Variants in PRRC2C observed in about 807,000 individuals in gnomAD.
The protein encoded by PRRC2C is proline rich coiled-coil 2C.
PRRC2C carries 72 observed loss-of-function variants against 317.2 expected under a neutral mutation model. The observed-to-expected ratio is 0.23, with a 90% CI of 0.19 to 0.28. The LOEUF is 0.28. PRRC2C is among the 10% of genes least tolerant of loss of function. The probability of loss-of-function intolerance (pLI) is 1.00; values close to 1 mark genes in which losing one functional copy is unlikely to be tolerated. For synonymous variants in PRRC2C, 1,296 were observed against 1,205.9 expected (o/e 1.07, Z -1.55); for missense variants, 3,074 against 3,459.7 (o/e 0.89, Z 2.80).
At chr1:171,585,838 C>G (rs578039881) in intron 30 of PRRC2C, among the ~76,000 whole-genome samples, 2 of 152,056 alleles carry the variant, frequency 1.3e-5, no homozygotes, top group Admixed American at 1.3e-4. Flanking sequence ...TGCTTGGGAC[C>G]AGAAATGTCT....
In PRRC2C at chr1:171,588,395, C is replaced by T. The variant is rs879587293; in HGVS notation, c.8089C>T (p.Pro2697Ser). 8.7e-6 allele frequency: 14 copies of T among 1,613,578 alleles called. No homozygotes were observed. Among genetic ancestry groups the T allele is most frequent in the African/African-American group, 4.0e-5 (3 of 74,904 alleles). The stretch of plus-strand genomic sequence containing the variant: ...CTTTCCAAGGGCTACTTCTACAAGT[C>T]CGAACAGCCAGTCCAGCAAAATGAA... ...SSPFRATSTSPNSQSSKMNSI... is the reference protein window; with the variant it reads ...SSPFRATSTSSNSQSSKMNSI... Residue 2697 changes from proline to serine, a missense_variant, in exon 33 of 35, where the codon CCG (proline) becomes TCG (serine). This residue lies in a region of PRRC2C where 490 missense variants were observed against 663.1 expected (regional missense o/e 0.74). Coordinates refer to ENST00000647382, the MANE Select transcript of PRRC2C (RefSeq NM_001387844.1).
intron 11 of PRRC2C, among the ~76,000 whole-genome samples, chr1:171,532,064 C>G (rs535445566): frequency 1.7e-4 from 26 of 152,260 alleles, no homozygotes; most frequent in African/African-American, 6.3e-4. Flanking sequence ...TGTTGTGCTT[C>G]TAGTTTTATT....
Position 171,557,532 on chromosome 1 carries a change from C to T in PRRC2C, c.5420C>T (p.Pro1807Leu). ...ASTSAPVPAS[P>L]LAPVSASASV... Reference sequence around the variant, plus strand: ...ACCTCAGCTCCAGTTCCAGCCTCACCCTTAGCTCCAGTTTCAGCCTCAGCC... The same window carrying T: ...ACCTCAGCTCCAGTTCCAGCCTCACTCTTAGCTCCAGTTTCAGCCTCAGCC... Residue 1807 changes from proline (P) to leucine (L), a missense_variant, in exon 19 of 35, where the codon CCC (proline) becomes CTC (leucine). By Grantham distance (98) the Pro-to-Leu change is moderately conservative. Around this residue, in one of 11 missense-constraint regions of PRRC2C, gnomAD observed 640 missense variants for 676.1 expected, o/e 0.95. Coordinates refer to ENST00000647382, the MANE Select transcript of PRRC2C (RefSeq NM_001387844.1). The T allele has an allele frequency of 6.4e-7, 1 of 1,551,596 alleles. No homozygotes were observed. The highest frequency in any genetic ancestry group is 8.7e-7 in the Non-Finnish European group (1 of 1,146,966).
chr1:171,517,152 G>A (rs540475967), intron 5 of PRRC2C, among the ~76,000 whole-genome samples: 3 of 152,178 alleles, frequency 2.0e-5, no homozygotes, highest in African/African-American at 4.8e-5. Context: ...TTCACTTGGG[G>A]GCATCTGTAA....
At chr1:171,536,939 A>C (rs1370408170) in intron 14 of PRRC2C, among the ~76,000 whole-genome samples, 4 of 152,200 alleles carry the variant, frequency 2.6e-5, no homozygotes, top group Non-Finnish European at 5.9e-5. Context: ...GTTTGTATTG[A>C]CATCCAGAGT....
chr1:171,524,201 T>G (rs980097849), intron 9 of PRRC2C, among the ~76,000 whole-genome samples: 2 of 152,208 alleles, frequency 1.3e-5, no homozygotes, highest in African/African-American at 4.8e-5. Flanking sequence ...CCTCGATTTC[T>G]TAAAACTTAG....
chr1:171,491,117 A>G (rs1021134049), intron 1 of PRRC2C, among the ~76,000 whole-genome samples: 1 of 152,222 alleles, frequency 6.6e-6, no homozygotes, highest in Non-Finnish European at 1.5e-5. Context: ...ACGAAAAGGG[A>G]AAATTAAAGA....
chr1:171,574,924 C>T lies in PRRC2C; in HGVS notation c.6754-3C>T. 1 of 1,613,256 alleles carries T rather than the reference C, an allele frequency of 6.2e-7. No individual in the cohort carries two copies. Among genetic ancestry groups the T allele is most frequent in the Non-Finnish European group, 8.5e-7 (1 of 1,179,546 alleles). ...TTACTATAAAATGTCCGTTTTATTG[C>T]AGATGGAGTCTGCACGCAAAGCATG... is the stretch of plus-strand genomic sequence containing the variant. On this transcript the variant is annotated splice_region_variant and splice_polypyrimidine_tract_variant and intron_variant, in intron 24 of 34. Transcript: ENST00000647382.
intron 1 of PRRC2C, among the ~76,000 whole-genome samples, chr1:171,488,868 C>T (rs972428484): frequency 3.9e-5 from 6 of 152,148 alleles, no homozygotes; most frequent in Non-Finnish European, 8.8e-5. Context: ...GTGATATACT[C>T]ATCCCTGTGT....
chr1:171,518,495 T>G (rs1400069379), intron 6 of PRRC2C, among the ~76,000 whole-genome samples: 2 of 47,464 alleles, frequency 4.2e-5, no homozygotes, highest in Admixed American at 2.7e-4. Flanking sequence ...TTTTTTTCAA[T>G]TTTTTTTTTT....
At chr1:171,573,673 CTTT>C (rs1024285954) in intron 24 of PRRC2C, among the ~76,000 whole-genome samples, 2 of 85,808 alleles carry the variant, frequency 2.3e-5, no homozygotes, top group East Asian at 3.9e-4. Context: ...TCTCAAAATT[CTTT>C]TTTTTTTTTT....
intron 10 of PRRC2C, among the ~76,000 whole-genome samples, chr1:171,525,526 A>G (rs1055302525): frequency 1.3e-5 from 2 of 152,226 alleles, no homozygotes; most frequent in African/African-American, 4.8e-5. Flanking sequence ...TTATCTCTTT[A>G]TTAAGGAATC....
At chr1:171,566,551 T>C in intron 21 of PRRC2C, 41 bp from the exon 22 acceptor site, 1 of 1,511,070 alleles carries the variant, frequency 6.6e-7, no homozygotes, top group Non-Finnish European at 8.8e-7. Context: ...AAGATACTCA[T>C]CTATCATAAA....
At chr1:171,523,640 C>A in intron 9 of PRRC2C, 118 bp downstream of exon 9, 2 of 922,054 alleles carry the variant, frequency 2.2e-6, no homozygotes, top group Non-Finnish European at 3.3e-6. Flanking sequence ...TTTATATATT[C>A]TCAGAAGTTT....
At chr1:171,494,294 A>C (rs1351750030) in intron 1 of PRRC2C, among the ~76,000 whole-genome samples, 1 of 152,192 alleles carries the variant, frequency 6.6e-6, no homozygotes, top group Non-Finnish European at 1.5e-5. Flanking sequence ...AGTTTCCAGG[A>C]ACAGCCTGAG....
chr1:171,590,817 C>T (rs528531318), intron 34 of PRRC2C, among the ~76,000 whole-genome samples: 5 of 152,244 alleles, frequency 3.3e-5, no homozygotes, highest in South Asian at 2.1e-4. Context: ...TCTTGATTTT[C>T]GCATATTCCC....
In PRRC2C at chr1:171,584,177, ATCT is replaced by A. The variant is rs1326430498; in HGVS notation, c.7635_7637del (p.Leu2546del). The A allele has an allele frequency of 6.2e-7, 1 of 1,612,066 alleles. No homozygotes were observed. The highest frequency in any genetic ancestry group is 8.5e-7 in the Non-Finnish European group (1 of 1,178,108). On this transcript the variant is annotated inframe_deletion, in exon 29 of 35. Transcript: ENST00000647382. ...GGAGGTTCCCAGCTGATTGACACAC[ATCT>A]TCTCCAGGTAAGTCAGGGGACTAGA...
At chr1:171,525,665 G>T (rs984373823) in intron 10 of PRRC2C, among the ~76,000 whole-genome samples, 4 of 152,160 alleles carry the variant, frequency 2.6e-5, no homozygotes, top group African/African-American at 9.7e-5. Flanking sequence ...GTTACAGTGT[G>T]CTAAGTGGCG....
chr1:171,560,661 G>T (rs545082168), intron 19 of PRRC2C, among the ~76,000 whole-genome samples: 1 of 152,250 alleles, frequency 6.6e-6, no homozygotes, highest in East Asian at 1.9e-4. Context: ...TTTAGCGGTA[G>T]TTTTTTTAAA....
Sources: allele counts gnomAD v4.1 joint callset (sites outside exome capture counted in the v4.1 genomes callset), GRCh38; gene constraint gnomAD v4.1.1; regional missense constraint gnomAD v4.1.1; transcripts MANE v1.5; gene names NCBI Gene and HGNC (gene_info 2026-07-23, HGNC 2026-07-21).